KRT28: variants seen among roughly 807,000 people sequenced by gnomAD.
KRT28 encodes the protein keratin, type I cytoskeletal 28.
A neutral mutation model predicts 48.1 loss-of-function variants in KRT28; 45 were observed. The observed-to-expected ratio is 0.94, with a 90% CI of 0.74 to 1.20. KRT28 has a LOEUF of 1.20. KRT28 is among the 50% of genes most tolerant of loss of function. The pLI is 0.00. For synonymous variants in KRT28, 228 were observed against 227.4 expected (o/e 1.00, Z -0.03); for missense variants, 571 against 574.1 (o/e 0.99, Z 0.06).
rs138281139 is a variant in KRT28 at position 40,793,996 on chromosome 17, C to T, written c.1029G>A (p.Thr343=). The T allele has an allele frequency of 5.9e-5, 96 of 1,613,910 alleles. No individual in the cohort carries two copies. The South Asian group carries it at 6.9e-4, about 12-fold the overall frequency. Residue 343 remains threonine (T), a synonymous_variant, in exon 6 of 8, where the codon ACG becomes ACA. Coordinates refer to ENST00000306658, the MANE Select transcript of KRT28 (RefSeq NM_181535.3). Reference sequence around the variant, plus strand: ...TCTGAGCCTGGATCTGCGCCAGCTGCGTACAGTAGTTGCTCTCGGTCTCTG... The same window carrying T: ...TCTGAGCCTGGATCTGCGCCAGCTGTGTACAGTAGTTGCTCTCGGTCTCTG... ...SLTETESNYC[T]QLAQIQAQIG...
At chr17:40,793,116 A>G in intron 7 of KRT28, 39 bp downstream of exon 7, 2 of 1,388,204 alleles carry the variant, frequency 1.4e-6, no homozygotes, top group Non-Finnish European at 2.0e-6. Flanking sequence ...ATTTAAAAAA[A>G]GAAAAGAAAA....
intron 7 of KRT28, 48 bp downstream of exon 7, chr17:40,793,107 T>A: frequency 7.5e-7 from 1 of 1,336,910 alleles, no homozygotes; most frequent in Non-Finnish European, 1.0e-6. Context: ...CTCAAAAAAA[T>A]TTAAAAAAAG....
rs759526597 is a variant in KRT28, at chr17:40,792,586, G to A, written c.1253-17C>T. 7 of 1,586,644 alleles carry A rather than the reference G, an allele frequency of 4.4e-6. No homozygotes were observed. The highest frequency in any genetic ancestry group is 5.1e-6 in the Non-Finnish European group (6 of 1,165,670). On this transcript the variant is annotated splice_polypyrimidine_tract_variant and intron_variant, in intron 7 of 7. Transcript: ENST00000306658. The stretch of plus-strand genomic sequence containing the variant: ...TGGATAAATCTAGAAATAAAACATA[G>A]GCATACATATATTCAACCAAAAAGA...
intron 3 of KRT28, among the ~76,000 whole-genome samples, chr17:40,797,592 TA>T (rs1253551344): frequency 6.6e-6 from 1 of 151,786 alleles, no homozygotes; most frequent in African/African-American, 2.4e-5. Flanking sequence ...CTACTAAAAA[TA>T]CAAAAATTAG....
chr17:40,795,421 C>A (rs575559192), intron 5 of KRT28, among the ~76,000 whole-genome samples: 72 of 152,272 alleles, frequency 4.7e-4, no homozygotes, highest in Non-Finnish European at 8.2e-4. Context: ...ACCGTGAAGG[C>A]TGGCTTGTCA....
Position 40,799,754 on chromosome 17 carries a change from C to T in KRT28, c.140G>A (p.Cys47Tyr), listed in dbSNP as rs755710655. The T allele has an allele frequency of 9.9e-6, 16 of 1,613,960 alleles. No homozygotes were observed. The highest frequency in any genetic ancestry group is 1.2e-5 in the Non-Finnish European group (14 of 1,180,022). ...GGSVAGSEFS[C>Y]ALGGGLGSVP... ...ACTGCCCAAGCCCCCTCCCAAGGCA[C>T]AGGAAAATTCACTTCCAGCAACAGA... is the stretch of plus-strand genomic sequence containing the variant. The change falls in exon 1 of 8, where the codon TGT becomes TAT. Residue 47 changes from cysteine (C) to tyrosine (Y), a missense_variant. Transcript: ENST00000306658.
At chr17:40,792,600 C>T (rs1156473733) in intron 7 of KRT28, 31 bp from the exon 8 acceptor site, 12 of 1,546,874 alleles carry the variant, frequency 7.8e-6, no homozygotes, top group African/African-American at 1.4e-5. Context: ...TACATATATT[C>T]AACCAAAAAG....
At chr17:40,797,896 A>G (rs1257358577) in intron 3 of KRT28, among the ~76,000 whole-genome samples, 1 of 152,180 alleles carries the variant, frequency 6.6e-6, no homozygotes, top group African/African-American at 2.4e-5. Flanking sequence ...GTTACTCAAC[A>G]TATAGTTACT....
At chr17:40,796,669 A>T (rs1163880032) in intron 5 of KRT28, among the ~76,000 whole-genome samples, 1 of 152,144 alleles carries the variant, frequency 6.6e-6, no homozygotes, top group Admixed American at 6.5e-5. Flanking sequence ...ATCTATGTGA[A>T]ATGTCTATTT....
At position 40,793,841 on chromosome 17, in the gene KRT28, T is replaced by A; in HGVS notation, c.1184A>T (p.Asp395Val). ...KEIETYCRLI[D>V]GDGNSCSKSK... Reference sequence around the variant, plus strand: ...TGGCTTTACTTACTTTCCATCTCCATCTATCAGGCGGCAGTAGGTCTCAAT... The same window carrying A: ...TGGCTTTACTTACTTTCCATCTCCAACTATCAGGCGGCAGTAGGTCTCAAT... The change falls in exon 6 of 8, where the codon GAT becomes GTT. Residue 395 changes from aspartate (D) to valine (V), a missense_variant. Transcript: ENST00000306658. The A allele has an allele frequency of 6.2e-7, 1 of 1,613,956 alleles. No individual in the cohort carries two copies. The highest frequency in any genetic ancestry group is 8.5e-7 in the Non-Finnish European group (1 of 1,179,842).
rs148002629 is a variant in KRT28 at position 40,797,020 on chromosome 17, T to C, written c.874A>G (p.Ile292Val). Residue 292 changes from isoleucine (I) to valine (V), a missense_variant, in exon 5 of 8, where the codon ATC becomes GTC. Transcript: ENST00000306658. ...GTGGCTGCGCCTGAGTCGTGGGAGA[T>C]CTGTTGCTGCAGCGAGGCGCTCTGT... ...NEKSASLQQQ[I>V]SHDSGAATFA... 3.9e-5 allele frequency: 63 copies of C among 1,612,466 alleles called. No homozygotes were observed. The African/African-American group carries it at 7.9e-4, about 20-fold the overall frequency.
chr17:40,798,905 T>C lies in KRT28; in HGVS notation c.533+12A>G, dbSNP rs200963334. ...ACTTTTTTCTAGAGCAGGATTTTCT[T>C]CTGTCACTTACTTTAGCCTGAAATC... On this transcript the variant is annotated intron_variant, in intron 2 of 7. Coordinates refer to ENST00000306658, the MANE Select transcript of KRT28 (RefSeq NM_181535.3). 53 of 1,561,370 alleles carry C rather than the reference T, an allele frequency of 3.4e-5. No individual in the cohort carries two copies. The African/African-American group carries it at 6.1e-4, about 18-fold the overall frequency.
At chr17:40,796,777 T>A (rs1376554282) in intron 5 of KRT28, 139 bp downstream of exon 5, 4 of 1,174,238 alleles carry the variant, frequency 3.4e-6, no homozygotes, top group Non-Finnish European at 4.7e-6. Context: ...CATCTGTTTT[T>A]TCCTGCTCTC....
intron 4 of KRT28, 30 bp downstream of exon 4, chr17:40,797,090 G>GT (rs746212977): frequency 6.2e-7 from 1 of 1,612,368 alleles, no homozygotes; most frequent in South Asian, 1.1e-5. Flanking sequence ...CCCCGGGGAG[G>GT]TGTGAGCAGG....
chr17:40,797,351 G>T, intron 3 of KRT28, 70 bp from the exon 4 acceptor site: 3 of 1,456,474 alleles, frequency 2.1e-6, no homozygotes, highest in Non-Finnish European at 2.8e-6. Flanking sequence ...GTTCTCAAAC[G>T]TGTTACTTTA....
rs779150236 is a variant in KRT28, at chr17:40,796,973, G to A, written c.921C>T (p.Thr307=). 3.7e-6 allele frequency: 6 copies of A among 1,612,992 alleles called. No homozygotes were observed. The South Asian group carries it at 6.6e-5, about 18-fold the overall frequency. ...GAATFARSQL[T]EMRRTLQTLE... ...GGGTCTGCAGGGTGCGCCTCATCTC[G>A]GTGAGCTGGCTCCGGGCGAAAGTGG... Residue 307 remains threonine, a synonymous_variant, in exon 5 of 8, where the codon ACC becomes ACT. Coordinates refer to ENST00000306658, the MANE Select transcript of KRT28 (RefSeq NM_181535.3).
At chr17:40,794,126 G>A in intron 5 of KRT28, 80 bp from the exon 6 acceptor site, 1 of 1,520,172 alleles carries the variant, frequency 6.6e-7, no homozygotes, top group Non-Finnish European at 9.1e-7. Context: ...GTAATCAGCA[G>A]GATTGCTCCC....
intron 7 of KRT28, 84 bp downstream of exon 7, chr17:40,793,071 G>T (rs1052391456): frequency 5.7e-6 from 5 of 870,198 alleles, no homozygotes; most frequent in Non-Finnish European, 8.8e-6. Context: ...TTGCATTCCA[G>T]CCTGGGCAAC....
chr17:40,797,374 T>C, intron 3 of KRT28, 93 bp from the exon 4 acceptor site: 1 of 1,243,050 alleles, frequency 8.0e-7, no homozygotes, highest in South Asian at 1.4e-5. Flanking sequence ...TCTCAAAGTT[T>C]GCGGTCAGGT....
Sources: allele counts gnomAD v4.1 joint callset (sites outside exome capture counted in the v4.1 genomes callset), GRCh38; gene constraint gnomAD v4.1.1; transcripts MANE v1.5; gene names NCBI Gene and HGNC (gene_info 2026-07-23, HGNC 2026-07-21).